Variants in MCC observed in about 807,000 individuals in gnomAD.
MCC encodes the protein colorectal mutant cancer protein.
MCC carries 90 observed loss-of-function variants against 116.2 expected under a neutral mutation model. The ratio of observed to expected loss-of-function variants is 0.77; its 90% confidence interval spans 0.65 to 0.92. MCC has a LOEUF of 0.92. Among genes scored for constraint, MCC ranks in the 40% least tolerant of loss-of-function variants. The probability of loss-of-function intolerance (pLI) is 0.00; values close to 1 mark genes in which losing one functional copy is unlikely to be tolerated. For missense variants in MCC, 1,516 were observed against 1,312.2 expected (o/e 1.16, Z -2.40); for synonymous variants, 578 against 510.5 (o/e 1.13, Z -1.78).
At chr5:113,419,899 A>T (rs905172917) in intron 1 of MCC, among the ~76,000 whole-genome samples, 8 of 149,480 alleles carry the variant, frequency 5.4e-5, no homozygotes, top group African/African-American at 1.7e-4. Context: ...GAGGGATAGC[A>T]TTAGGAGATA....
At chr5:113,481,673 A>G (rs1036024263) in intron 1 of MCC, among the ~76,000 whole-genome samples, 1 of 152,192 alleles carries the variant, frequency 6.6e-6, no homozygotes, top group Admixed American at 6.5e-5. Context: ...CGGGAGGCGG[A>G]GATTGCAGTG....
At chr5:113,232,288 T>G (rs562837094) in intron 3 of MCC, among the ~76,000 whole-genome samples, 3 of 152,334 alleles carry the variant, frequency 2.0e-5, no homozygotes, top group Non-Finnish European at 4.4e-5. Context: ...GTAGTATGGT[T>G]GTATTCTATC....
At chr5:113,420,775 C>A (rs1030509142) in intron 1 of MCC, among the ~76,000 whole-genome samples, 2 of 152,202 alleles carry the variant, frequency 1.3e-5, no homozygotes, top group Admixed American at 6.5e-5. Flanking sequence ...TGATAGTAGG[C>A]AGGGAGGACG....
chr5:113,181,900 G>T (rs1278604250), intron 3 of MCC, among the ~76,000 whole-genome samples: 1 of 152,154 alleles, frequency 6.6e-6, no homozygotes, highest in African/African-American at 2.4e-5. Context: ...TTTAACAGTT[G>T]CCACGCAGAT....
At chr5:113,231,304 CTTTAA>C (rs1763933975) in intron 3 of MCC, among the ~76,000 whole-genome samples, 1 of 152,176 alleles carries the variant, frequency 6.6e-6, no homozygotes, top group South Asian at 2.1e-4. Flanking sequence ...ACTTCCAACT[CTTTAA>C]TTTAGGAGTT....
At chr5:113,218,506 T>G (rs928443753) in intron 3 of MCC, among the ~76,000 whole-genome samples, 17 of 152,194 alleles carry the variant, frequency 1.1e-4, no homozygotes, top group Non-Finnish European at 2.9e-5. Flanking sequence ...TATTAGGGTT[T>G]TCTCCTCCTT....
intron 1 of MCC, chr5:113,428,626 T>C (rs1770543361): frequency 6.6e-6 from 1 of 152,262 alleles, no homozygotes; most frequent in African/African-American, 2.4e-5. Flanking sequence ...AACTTCTCCA[T>C]GTGCCTAATC....
chr5:113,070,865 T>C (rs970677350), intron 12 of MCC, among the ~76,000 whole-genome samples: 11 of 152,220 alleles, frequency 7.2e-5, no homozygotes, highest in Non-Finnish European at 1.3e-4. Context: ...TTTTGAGTGA[T>C]AGTACCTAAA....
intron 2 of MCC, among the ~76,000 whole-genome samples, chr5:113,373,480 A>C (rs1311755938): frequency 1.3e-5 from 2 of 152,190 alleles, no homozygotes; most frequent in African/African-American, 4.8e-5. Flanking sequence ...TTAGATGTCA[A>C]AGTCATTTAT....
chr5:113,207,508 G>A (rs1762961910), intron 3 of MCC, among the ~76,000 whole-genome samples: 1 of 152,090 alleles, frequency 6.6e-6, no homozygotes, highest in South Asian at 2.1e-4. Flanking sequence ...CTGAATCTTA[G>A]AGAATGGCTT....
At chr5:113,189,620 AG>A (rs1762058847) in intron 3 of MCC, among the ~76,000 whole-genome samples, 2 of 152,234 alleles carry the variant, frequency 1.3e-5, no homozygotes, top group Admixed American at 1.3e-4. Flanking sequence ...CACACGATAC[AG>A]AATAAATAAA....
intron 3 of MCC, among the ~76,000 whole-genome samples, chr5:113,187,769 AAAG>A (rs1182796410): frequency 1.5e-5 from 2 of 129,116 alleles, no homozygotes; most frequent in African/African-American, 5.5e-5. Context: ...AAAAAAAAAA[AAAG>A]AAAGAAAGAA....
intron 2 of MCC, among the ~76,000 whole-genome samples, chr5:113,368,381 T>A (rs1222417669): frequency 6.6e-6 from 1 of 152,182 alleles, no homozygotes; most frequent in African/African-American, 2.4e-5. Context: ...TGAAGGAAAA[T>A]TTCATAGACT....
At chr5:113,207,862 AG>A (rs1762976047) in intron 3 of MCC, among the ~76,000 whole-genome samples, 1 of 152,204 alleles carries the variant, frequency 6.6e-6, no homozygotes, top group African/African-American at 2.4e-5. Context: ...CTTCCCCTGG[AG>A]GCCACGTTAA....
intron 5 of MCC, among the ~76,000 whole-genome samples, chr5:113,128,086 A>T (rs1208525754): frequency 6.6e-6 from 1 of 152,252 alleles, no homozygotes; most frequent in Non-Finnish European, 1.5e-5. Flanking sequence ...GGGAAAAGTC[A>T]ATGGAAGTAT....
intron 3 of MCC, among the ~76,000 whole-genome samples, chr5:113,275,368 A>G (rs573918310): frequency 6.6e-6 from 1 of 152,344 alleles, no homozygotes; most frequent in East Asian, 1.9e-4. Flanking sequence ...ACACAGTTCA[A>G]TTTAGGAACT....
intron 3 of MCC, among the ~76,000 whole-genome samples, chr5:113,242,379 A>T (rs969151466): frequency 6.6e-6 from 1 of 152,218 alleles, no homozygotes; most frequent in Non-Finnish European, 1.5e-5. Flanking sequence ...AGGAACAGCC[A>T]ATATAGAAGC....
At chr5:113,060,165 TGTTTG>T (rs1324987686) in intron 14 of MCC, among the ~76,000 whole-genome samples, 1 of 152,142 alleles carries the variant, frequency 6.6e-6, no homozygotes, top group African/African-American at 2.4e-5. Context: ...TTTGTTTGTT[TGTTTG>T]TTTGAGACAG....
chr5:113,295,186 GAAAAGA>G (rs1167148380), intron 3 of MCC, among the ~76,000 whole-genome samples: 1 of 147,954 alleles, frequency 6.8e-6, no homozygotes, highest in Non-Finnish European at 1.5e-5. Context: ...AAAAAAAAAA[GAAAAGA>G]AAAAGAAAAA....
Sources: gnomAD v4.1 joint callset for allele counts (sites outside exome capture counted in the v4.1 genomes callset) on GRCh38, gnomAD v4.1.1 for gene constraint, MANE v1.5 for transcripts, NCBI Gene and HGNC (gene_info 2026-07-23, HGNC 2026-07-21) for gene names.